RAP1A: variants seen among roughly 807,000 people sequenced by gnomAD.
The protein encoded by RAP1A is RAP1A, member of RAS oncogene family, also known as ras-related protein Rap-1A.
A neutral mutation model predicts 26.4 loss-of-function variants in RAP1A; 6 were observed. The observed-to-expected ratio is 0.23, with a 90% confidence interval of 0.12 to 0.45. The LOEUF is 0.45. Ranked by LOEUF, RAP1A falls within the 20% of genes least tolerant of loss-of-function variation. RAP1A has a pLI of 0.99. For synonymous variants in RAP1A, 73 were observed against 79.4 expected, an observed-to-expected ratio of 0.92 and a Z score of 0.43; for missense variants, 121 against 217.2, an observed-to-expected ratio of 0.56 and a Z score of 2.78.
At chr1:111,551,600 A>G (rs1657260549) in intron 1 of RAP1A, among the ~76,000 whole-genome samples, 1 of 152,164 alleles carries the variant, frequency 6.6e-6, no homozygotes, top group Non-Finnish European at 1.5e-5. Context: ...TAAATTTATA[A>G]TTATTGCTTT....
At chr1:111,668,506 A>G (rs887774291) in intron 1 of RAP1A, among the ~76,000 whole-genome samples, 1 of 152,160 alleles carries the variant, frequency 6.6e-6, no homozygotes, top group African/African-American at 2.4e-5. Flanking sequence ...CAAAAACTCT[A>G]AAGTAGGGTT....
At chr1:111,578,575 G>C (rs57271531) in intron 1 of RAP1A, among the ~76,000 whole-genome samples, 7,725 of 151,964 alleles carry the variant, frequency 0.051, 681 homozygotes, top group African/African-American at 0.18. Context: ...GTTTTCCAGA[G>C]AGAATAACAG....
chr1:111,671,955 A>G (rs1660988931), intron 1 of RAP1A, among the ~76,000 whole-genome samples: 1 of 152,222 alleles, frequency 6.6e-6, no homozygotes, highest in Admixed American at 6.5e-5. Flanking sequence ...TTTGGTTAGA[A>G]ATTACACTCT....
intron 1 of RAP1A, among the ~76,000 whole-genome samples, chr1:111,579,668 C>G (rs762464120): frequency 6.6e-6 from 1 of 152,184 alleles, no homozygotes; most frequent in Non-Finnish European, 1.5e-5. Context: ...CACACCTAAC[C>G]TACCGAACAT....
At chr1:111,606,707 G>A (rs1212161977) in intron 1 of RAP1A, among the ~76,000 whole-genome samples, 1 of 152,224 alleles carries the variant, frequency 6.6e-6, no homozygotes, top group Non-Finnish European at 1.5e-5. Flanking sequence ...TTACCCTGAT[G>A]TGTAATAAAT....
At chr1:111,643,346 A>C (rs754313722) in intron 1 of RAP1A, among the ~76,000 whole-genome samples, 24 of 152,196 alleles carry the variant, frequency 1.6e-4, no homozygotes, top group Non-Finnish European at 2.9e-4. Context: ...ACAAACCTGC[A>C]CATTCTGATA....
At chr1:111,568,969 G>T (rs986216360) in intron 1 of RAP1A, among the ~76,000 whole-genome samples, 7 of 151,824 alleles carry the variant, frequency 4.6e-5, no homozygotes, top group Admixed American at 1.3e-4. Context: ...GCTTACTATA[G>T]TATAAAAATA....
intron 1 of RAP1A, among the ~76,000 whole-genome samples, chr1:111,646,420 T>TAA (rs34766711): frequency 0.092 from 9,876 of 106,770 alleles, 458 homozygotes; most frequent in South Asian, 0.14. Context: ...TTCCTTTTTG[T>TAA]AAAAAAAAAA....
chr1:111,648,239 C>T (rs936364013), intron 1 of RAP1A: 9 of 472,890 alleles, frequency 1.9e-5, no homozygotes, highest in South Asian at 4.0e-5. Context: ...GACCTTTGAA[C>T]TTTTTATTGG....
At chr1:111,632,539 A>G (rs1418512003) in intron 1 of RAP1A, among the ~76,000 whole-genome samples, 3 of 152,192 alleles carry the variant, frequency 2.0e-5, no homozygotes, top group African/African-American at 7.2e-5. Flanking sequence ...ATTTTCTCAA[A>G]AAAGAGAAAT....
intron 1 of RAP1A, among the ~76,000 whole-genome samples, chr1:111,682,986 G>A (rs1099801): frequency 0.41 from 62,876 of 152,026 alleles, 13,232 homozygotes; most frequent in African/African-American, 0.49. Context: ...CCACAGTGCA[G>A]TCAAATTAGA....
chr1:111,565,417 C>T (rs965315905), intron 1 of RAP1A, among the ~76,000 whole-genome samples: 2 of 152,146 alleles, frequency 1.3e-5, no homozygotes, highest in Non-Finnish European at 2.9e-5. Context: ...GAAGCTGAGT[C>T]TGATGAAGAA....
At chr1:111,574,844 C>G (rs1658113719) in intron 1 of RAP1A, among the ~76,000 whole-genome samples, 1 of 152,210 alleles carries the variant, frequency 6.6e-6, no homozygotes, top group African/African-American at 2.4e-5. Flanking sequence ...AGTGGCTCTG[C>G]TATACTGTTT....
intron 1 of RAP1A, among the ~76,000 whole-genome samples, chr1:111,639,852 A>T (rs150010662): frequency 3.9e-5 from 6 of 152,350 alleles, no homozygotes; most frequent in African/African-American, 1.4e-4. Flanking sequence ...GTCTGCGTCT[A>T]TCAAAGTGAA....
intron 1 of RAP1A, among the ~76,000 whole-genome samples, chr1:111,643,263 A>G (rs767203974): frequency 4.6e-5 from 7 of 152,220 alleles, no homozygotes; most frequent in South Asian, 2.1e-4. Flanking sequence ...TTAGTTCACA[A>G]GCCACGCAAA....
At chr1:111,655,969 C>CA (rs914678634) in intron 1 of RAP1A, among the ~76,000 whole-genome samples, 1 of 151,806 alleles carries the variant, frequency 6.6e-6, no homozygotes, top group Non-Finnish European at 1.5e-5. Flanking sequence ...GGATTACAGG[C>CA]TGAGCCACCG....
chr1:111,685,436 AAAC>A (rs1661439874), intron 1 of RAP1A, among the ~76,000 whole-genome samples: 2 of 4,200 alleles, frequency 4.8e-4, no homozygotes, highest in Non-Finnish European at 1.1e-3. Context: ...CAAAAAAAAG[AAAC>A]AACCTCATCA....
chr1:111,583,959 C>T (rs1030980016), intron 1 of RAP1A, among the ~76,000 whole-genome samples: 5 of 144,374 alleles, frequency 3.5e-5, no homozygotes, highest in Non-Finnish European at 7.5e-5. Flanking sequence ...CGGCTCACTG[C>T]AACGTCCGCC....
chr1:111,682,944 T>G lies in RAP1A; in HGVS notation c.-27-8390T>G, dbSNP rs571719739. 3.9e-5 allele frequency among the ~76,000 whole-genome samples: 6 copies of G among 152,308 alleles called. No individual in the cohort carries two copies. The East Asian group carries it at 1.2e-3, about 29-fold the overall frequency. On this transcript the variant is annotated intron_variant, in intron 1 of 7. Coordinates refer to ENST00000369709, the MANE Select transcript of RAP1A (RefSeq NM_002884.4). ...TGGAAGTAAAATACTCCTCAGCATA[T>G]GTAAAGGAACGGAAATAATAAGTCT...
Sources: allele counts gnomAD v4.1 joint callset (sites outside exome capture counted in the v4.1 genomes callset), GRCh38; gene constraint gnomAD v4.1.1; transcripts MANE v1.5; gene names NCBI Gene and HGNC (gene_info 2026-07-23, HGNC 2026-07-21).